The following BBX variants were observed in gnomAD, a reference collection of about 807,000 sequenced individuals.
The protein encoded by BBX is HMG box transcription factor BBX.
A neutral mutation model predicts 100.2 loss-of-function variants in BBX; 30 were observed. The ratio of observed to expected loss-of-function variants is 0.30; its 90% CI spans 0.22 to 0.41. The LOEUF is 0.41. BBX is among the 10% of genes least tolerant of loss of function. The probability of loss-of-function intolerance (pLI) is 1.00; values close to 1 mark genes in which losing one functional copy is unlikely to be tolerated. For missense variants in BBX, 1,023 were observed against 1,129.8 expected (o/e 0.91, Z 1.35); for synonymous variants, 376 against 388.1 (o/e 0.97, Z 0.37).
chr3:107,579,974 A>G (rs2052149528), intron 2 of BBX, among the ~76,000 whole-genome samples: 1 of 152,110 alleles, frequency 6.6e-6, no homozygotes, highest in Non-Finnish European at 1.5e-5. Flanking sequence ...TTAATTATAT[A>G]AATTATATAT....
intron 3 of BBX, among the ~76,000 whole-genome samples, chr3:107,697,687 G>A (rs923271031): frequency 6.6e-6 from 1 of 151,914 alleles, no homozygotes; most frequent in Non-Finnish European, 1.5e-5. Context: ...GGAGCCTACA[G>A]AGGCAGGCAG....
chr3:107,577,798 A>G (rs2051910836), intron 2 of BBX, among the ~76,000 whole-genome samples: 1 of 152,182 alleles, frequency 6.6e-6, no homozygotes, highest in Non-Finnish European at 1.5e-5. Flanking sequence ...AGTAGACCCC[A>G]TAAGTGCTTA....
chr3:107,652,527 T>C (rs979863387), intron 3 of BBX, among the ~76,000 whole-genome samples: 1 of 152,214 alleles, frequency 6.6e-6, no homozygotes, highest in Admixed American at 6.5e-5. Context: ...TCAAAAACCT[T>C]GTATATAAGG....
intron 3 of BBX, among the ~76,000 whole-genome samples, chr3:107,696,679 G>A (rs2060629091): frequency 7.9e-5 from 12 of 151,596 alleles, no homozygotes. Flanking sequence ...GTGTATCTTG[G>A]TGTTGCTCTT....
chr3:107,723,809 A>G (rs953745142), intron 5 of BBX, among the ~76,000 whole-genome samples: 1 of 152,114 alleles, frequency 6.6e-6, no homozygotes, highest in Non-Finnish European at 1.5e-5. Flanking sequence ...CCAGACTATC[A>G]TTGTTGGACA....
intron 2 of BBX, among the ~76,000 whole-genome samples, chr3:107,538,454 A>G (rs1369765078): frequency 1.3e-5 from 2 of 152,148 alleles, no homozygotes; most frequent in African/African-American, 4.8e-5. Flanking sequence ...TGATCTATAT[A>G]TTTCAAAAAC....
rs149367963 is a variant in BBX at position 107,556,504 on chromosome 3, G to A, written c.-84+30106G>A. Among the ~76,000 whole-genome samples, 50 of 152,156 alleles carry A rather than the reference G, an allele frequency of 3.3e-4. No homozygotes were observed. In the East Asian group the frequency reaches 7.3e-3, roughly 22 times the overall value. On this transcript the variant is annotated intron_variant, in intron 2 of 17. Coordinates refer to ENST00000325805, the MANE Select transcript of BBX (RefSeq NM_001142568.3). Reference sequence around the variant, plus strand: ...TGTTATACAGCTTTATAAGTACCTGGTACCTTTCTGCAGTTATTCCTTTGA... The same window carrying A: ...TGTTATACAGCTTTATAAGTACCTGATACCTTTCTGCAGTTATTCCTTTGA...
intron 10 of BBX, among the ~76,000 whole-genome samples, chr3:107,770,603 A>G (rs1251539825): frequency 6.6e-6 from 1 of 152,200 alleles, no homozygotes; most frequent in Non-Finnish European, 1.5e-5. Flanking sequence ...ATTTCTGGTT[A>G]TGTTTAATAA....
intron 3 of BBX, among the ~76,000 whole-genome samples, chr3:107,703,340 C>T (rs1022002807): frequency 6.6e-6 from 1 of 152,134 alleles, no homozygotes; most frequent in Non-Finnish European, 1.5e-5. Context: ...ATAGCTTTTC[C>T]TCCTCAAGCC....
chr3:107,671,080 T>C (rs1366599579), intron 3 of BBX, among the ~76,000 whole-genome samples: 1 of 150,790 alleles, frequency 6.6e-6, no homozygotes, highest in East Asian at 1.9e-4. Flanking sequence ...TTAAAAAAAT[T>C]TTTTGGAGTA....
intron 2 of BBX, among the ~76,000 whole-genome samples, chr3:107,536,020 A>T (rs572303493): frequency 6.6e-6 from 1 of 152,378 alleles, no homozygotes; most frequent in South Asian, 2.1e-4. Flanking sequence ...GCAGTTCCAT[A>T]TTAGTGGAAA....
intron 2 of BBX, among the ~76,000 whole-genome samples, chr3:107,626,538 C>T (rs575154251): frequency 6.6e-6 from 1 of 152,242 alleles, no homozygotes; most frequent in Non-Finnish European, 1.5e-5. Context: ...TCATGGGAAG[C>T]CTTGACTAGG....
At position 107,584,122 on chromosome 3, in the gene BBX, ATATATATTATTATATATATT is replaced by A. The variant is rs2052587872; in HGVS notation, c.-84+57725_-84+57744del. Among the ~76,000 whole-genome samples, 7 of 27,386 alleles carry A rather than the reference ATATATATTATTATATATATT, an allele frequency of 2.6e-4. 3 individuals carry two copies. Among genetic ancestry groups the A allele is most frequent in the African/African-American group, 9.9e-4 (7 of 7,086 alleles). The allele number at this position is 27,386 out of a possible 152,430, so 18.0% of individuals were successfully genotyped here. On this transcript the variant is annotated intron_variant, in intron 2 of 17. Coordinates refer to ENST00000325805, the MANE Select transcript of BBX (RefSeq NM_001142568.3). ...ATATATATTATATATTATATATAAT[ATATATATTATTATATATATT>A]ATATATAATATATGATATATATATT...
At chr3:107,670,196 A>G (rs2107914324) in intron 3 of BBX, among the ~76,000 whole-genome samples, 1 of 152,280 alleles carries the variant, frequency 6.6e-6, no homozygotes, top group South Asian at 2.1e-4. Flanking sequence ...ACATTTTATT[A>G]ATGTATCAAC....
chr3:107,619,193 A>G (rs2055542224), intron 2 of BBX, among the ~76,000 whole-genome samples: 1 of 152,036 alleles, frequency 6.6e-6, no homozygotes, highest in African/African-American at 2.4e-5. Context: ...CTATTAATAT[A>G]GCACTCCTAC....
intron 2 of BBX, among the ~76,000 whole-genome samples, chr3:107,620,946 G>A (rs573627969): frequency 6.6e-6 from 1 of 150,446 alleles, no homozygotes; most frequent in Non-Finnish European, 1.5e-5. Flanking sequence ...GTGTGTGTGG[G>A]GGGGTGGGGG....
Position 107,554,237 on chromosome 3 carries a change from C to T in BBX, c.-84+27839C>T, listed in dbSNP as rs191429591. Reference sequence around the variant, plus strand: ...GACAGTGGTGAGGGATTATTGATTACGGATTTAGAGAATTAGTCATTCTTA... The same window carrying T: ...GACAGTGGTGAGGGATTATTGATTATGGATTTAGAGAATTAGTCATTCTTA... On this transcript the variant is annotated intron_variant, in intron 2 of 17. Coordinates refer to ENST00000325805, the MANE Select transcript of BBX (RefSeq NM_001142568.3). Among the ~76,000 whole-genome samples, 10 of 152,268 alleles carry T rather than the reference C, an allele frequency of 6.6e-5. No individual in the cohort carries two copies. The East Asian group carries it at 1.2e-3, about 18-fold the overall frequency.
At chr3:107,741,804 A>G (rs2064131385) in intron 7 of BBX, among the ~76,000 whole-genome samples, 1 of 152,200 alleles carries the variant, frequency 6.6e-6, no homozygotes, top group African/African-American at 2.4e-5. Context: ...CTTCTGAATA[A>G]TGACATTACT....
intron 2 of BBX, among the ~76,000 whole-genome samples, chr3:107,584,754 C>T (rs566979312): frequency 3.3e-5 from 4 of 121,722 alleles, no homozygotes; most frequent in African/African-American, 1.2e-4. Flanking sequence ...TGCAGTGGCA[C>T]GATCTCAGCT....
Sources: gnomAD v4.1 joint callset for allele counts (sites outside exome capture counted in the v4.1 genomes callset) on GRCh38, gnomAD v4.1.1 for gene constraint, MANE v1.5 for transcripts, NCBI Gene and HGNC (gene_info 2026-07-23, HGNC 2026-07-21) for gene names.